Variants in TOM1L2 observed in about 807,000 individuals in gnomAD.
TOM1L2 encodes TOM1-like protein 2.
Under a neutral mutation model 67.9 loss-of-function variants are expected in TOM1L2, and 31 were observed. The observed-to-expected ratio is 0.46, with a 90% CI of 0.34 to 0.62. The LOEUF is 0.62. TOM1L2 is among the 20% of genes least tolerant of loss of function. TOM1L2 has a pLI of 0.01. For missense variants in TOM1L2, 606 were observed against 663.5 expected, an observed-to-expected ratio of 0.91 and a Z score of 0.95; for synonymous variants, 256 against 254.0, an observed-to-expected ratio of 1.01 and a Z score of -0.07.
At chr17:17,968,084 G>C (rs1367697239) in intron 1 of TOM1L2, among the ~76,000 whole-genome samples, 3 of 152,288 alleles carry the variant, frequency 2.0e-5, no homozygotes, top group Admixed American at 2.0e-4. Flanking sequence ...TTCACATGAG[G>C]CCCACGCATA....
At chr17:17,873,607 C>T (rs535275242) in intron 7 of TOM1L2, among the ~76,000 whole-genome samples, 97 of 152,306 alleles carry the variant, frequency 6.4e-4, no homozygotes, top group African/African-American at 2.0e-3. Context: ...CTCCCAGCAC[C>T]GGCGGCCTGA....
chr17:17,851,019 G>T (rs1384375498), intron 12 of TOM1L2, 67 bp from the exon 13 acceptor site: 1 of 1,565,348 alleles, frequency 6.4e-7, no homozygotes, highest in African/African-American at 1.4e-5. Context: ...CAGAACACCG[G>T]AACAAAGGAA....
At chr17:17,878,159 G>C (rs2037520481) in intron 7 of TOM1L2, among the ~76,000 whole-genome samples, 1 of 152,240 alleles carries the variant, frequency 6.6e-6, no homozygotes, top group Admixed American at 6.5e-5. Flanking sequence ...GCTAGGAATG[G>C]AGGCCAATGA....
At chr17:17,853,449 G>C (rs916948900) in intron 12 of TOM1L2, among the ~76,000 whole-genome samples, 1 of 152,180 alleles carries the variant, frequency 6.6e-6, no homozygotes, top group Non-Finnish European at 1.5e-5. Context: ...AATCCCTTGA[G>C]GCCTGGGGTC....
At chr17:17,871,973 G>A in intron 7 of TOM1L2, 1 of 985,478 alleles carries the variant, frequency 1.0e-6, no homozygotes, top group Non-Finnish European at 1.2e-6. Context: ...ACTCTCCTCT[G>A]TTGTGAATGG....
chr17:17,963,271 GC>G (rs2041761314), intron 1 of TOM1L2, among the ~76,000 whole-genome samples: 1 of 152,204 alleles, frequency 6.6e-6, no homozygotes, highest in Non-Finnish European at 1.5e-5. Flanking sequence ...AGTGCTAAGT[GC>G]TGGAAGAGAA....
chr17:17,939,473 G>C (rs73301873), intron 1 of TOM1L2, among the ~76,000 whole-genome samples: 5,960 of 152,242 alleles, frequency 0.039, 411 homozygotes, highest in African/African-American at 0.13. Flanking sequence ...ACAGTATTGT[G>C]ATTGTTTCTA....
At chr17:17,966,026 C>A (rs1192639649) in intron 1 of TOM1L2, among the ~76,000 whole-genome samples, 1 of 152,148 alleles carries the variant, frequency 6.6e-6, no homozygotes, top group Non-Finnish European at 1.5e-5. Context: ...GAGGCTGAGA[C>A]AGGAGAATCC....
At chr17:17,920,415 AC>A (rs1204982655) in intron 1 of TOM1L2, among the ~76,000 whole-genome samples, 1 of 138,528 alleles carries the variant, frequency 7.2e-6, no homozygotes, top group African/African-American at 2.8e-5. Context: ...ATCTCAGCTC[AC>A]CACAACCGCC....
intron 7 of TOM1L2, among the ~76,000 whole-genome samples, chr17:17,870,251 G>A (rs746771297): frequency 6.6e-6 from 1 of 152,146 alleles, no homozygotes; most frequent in Non-Finnish European, 1.5e-5. Context: ...TCTACCCTTA[G>A]AAGCAACATC....
intron 13 of TOM1L2, among the ~76,000 whole-genome samples, chr17:17,850,428 G>A (rs2035895398): frequency 6.6e-6 from 1 of 151,968 alleles, no homozygotes; most frequent in East Asian, 1.9e-4. Flanking sequence ...AAGGGAGGAG[G>A]GGGATGACAG....
chr17:17,903,535 C>CT (rs1338783826), intron 2 of TOM1L2, among the ~76,000 whole-genome samples: 2 of 151,674 alleles, frequency 1.3e-5, no homozygotes, highest in Admixed American at 1.3e-4. Context: ...ATGGCATGAA[C>CT]CCGGGAGGCG....
intron 12 of TOM1L2, chr17:17,851,182 A>T: frequency 1.8e-6 from 1 of 544,988 alleles, no homozygotes; most frequent in Non-Finnish European, 3.3e-6. Flanking sequence ...GGCTCCCGGC[A>T]GGGCCGGCGG....
At chr17:17,944,053 T>A (rs1268530688) in intron 1 of TOM1L2, among the ~76,000 whole-genome samples, 1 of 152,216 alleles carries the variant, frequency 6.6e-6, no homozygotes, top group African/African-American at 2.4e-5. Flanking sequence ...CACACTGCAC[T>A]TGAGGGTCTT....
At chr17:17,935,604 C>T (rs2040486101) in intron 1 of TOM1L2, among the ~76,000 whole-genome samples, 1 of 152,136 alleles carries the variant, frequency 6.6e-6, no homozygotes, top group African/African-American at 2.4e-5. Flanking sequence ...CTGGAAGCCC[C>T]AATCCTGGTC....
intron 2 of TOM1L2, among the ~76,000 whole-genome samples, chr17:17,901,862 T>G (rs889790904): frequency 6.6e-6 from 1 of 152,124 alleles, no homozygotes; most frequent in Admixed American, 6.6e-5. Context: ...ATTGTGTAGG[T>G]CTGAGGTGAG....
At position 17,866,392 on chromosome 17, in the gene TOM1L2, A is replaced by G; in HGVS notation, c.988T>C (p.Leu330=). 1 of 1,605,264 alleles carries G rather than the reference A, an allele frequency of 6.2e-7. No individual in the cohort carries two copies. Among genetic ancestry groups the G allele is most frequent in the Non-Finnish European group, 8.5e-7 (1 of 1,175,126 alleles). ...GVLNEVTEDN[L]IDLGPGSPAV... is the part of the protein sequence containing the mutation. Reference sequence around the variant, plus strand: ...GGAGACCCTGGCCCCAGGTCTATTAAGTTGTCTTCGGTTACTTCATTCAGT... The same window carrying G: ...GGAGACCCTGGCCCCAGGTCTATTAGGTTGTCTTCGGTTACTTCATTCAGT... The change falls in exon 10 of 15, where the codon TTA becomes CTA. Residue 330 remains leucine, a synonymous_variant. Transcript: ENST00000379504.
chr17:17,869,783 CA>C (rs773147713), intron 7 of TOM1L2: 133 of 725,624 alleles, frequency 1.8e-4, no homozygotes, highest in Non-Finnish European at 2.1e-4. Flanking sequence ...TTTTTCTCAA[CA>C]AAATATTCCA....
At chr17:17,888,139 G>A (rs757954961) in intron 4 of TOM1L2, among the ~76,000 whole-genome samples, 3 of 152,206 alleles carry the variant, frequency 2.0e-5, no homozygotes, top group Non-Finnish European at 4.4e-5. Flanking sequence ...ATGCAGCGGT[G>A]TGAGCACACT....
Sources: gnomAD v4.1 joint callset for allele counts (sites outside exome capture counted in the v4.1 genomes callset) on GRCh38, gnomAD v4.1.1 for gene constraint, MANE v1.5 for transcripts, NCBI Gene and HGNC (gene_info 2026-07-23, HGNC 2026-07-21) for gene names.